Variants in SHTN1 observed in about 807,000 individuals in gnomAD.
SHTN1 encodes shootin 1.
In SHTN1, 42 loss-of-function variants were observed where a neutral mutation model predicts 83.1. The observed-to-expected ratio is 0.51, with a 90% confidence interval of 0.39 to 0.65. The LOEUF (loss-of-function observed/expected upper bound fraction) is 0.65. SHTN1 is among the 30% of genes least tolerant of loss of function. The pLI, the probability that SHTN1 is intolerant of heterozygous loss-of-function variation, is 0.00. For missense variants in SHTN1, 622 were observed against 737.8 expected (o/e 0.84, Z 1.82); for synonymous variants, 224 against 247.7 (o/e 0.90, Z 0.90).
chr10:116,946,562 TATATAAATATATAAA>T (rs1564890805), intron 7 of SHTN1, among the ~76,000 whole-genome samples: 46 of 122,146 alleles, frequency 3.8e-4, no homozygotes, highest in African/African-American at 9.8e-4. Context: ...AAATGATTTA[TATATAAATATATAAA>T]ATGATTTATA....
intron 1 of SHTN1, among the ~76,000 whole-genome samples, chr10:117,093,389 GA>G (rs57061470): frequency 2.0e-5 from 3 of 150,514 alleles, no homozygotes; most frequent in Non-Finnish European, 4.4e-5. Context: ...AACTTGAAAT[GA>G]AAAAAAAAGC....
intron 1 of SHTN1, among the ~76,000 whole-genome samples, chr10:116,999,652 C>T (rs1314876465): frequency 2.0e-5 from 3 of 152,152 alleles, no homozygotes; most frequent in South Asian, 2.1e-4. Flanking sequence ...CGGTGGCTCA[C>T]GCCTGTAATC....
chr10:117,037,600 A>G (rs1192544942), intron 2 of SHTN1, among the ~76,000 whole-genome samples: 1 of 152,178 alleles, frequency 6.6e-6, no homozygotes, highest in African/African-American at 2.4e-5. Flanking sequence ...AGCCAATATC[A>G]TATTGAAGGA....
At chr10:116,933,371 T>C (rs1320106075) in intron 9 of SHTN1, among the ~76,000 whole-genome samples, 3 of 151,674 alleles carry the variant, frequency 2.0e-5, no homozygotes, top group African/African-American at 4.8e-5. Flanking sequence ...CCTGTGTCCA[T>C]GTGTTCTCAT....
chr10:116,976,656 A>T (rs1242720729), intron 2 of SHTN1, among the ~76,000 whole-genome samples: 1 of 152,010 alleles, frequency 6.6e-6, no homozygotes, highest in Non-Finnish European at 1.5e-5. Flanking sequence ...TCCATTTACC[A>T]CCTCCGGAAC....
intron 1 of SHTN1, among the ~76,000 whole-genome samples, chr10:116,988,885 G>GCAAT (rs770402831): frequency 2.0e-4 from 30 of 152,180 alleles, no homozygotes; most frequent in Non-Finnish European, 3.5e-4. Flanking sequence ...GGCATGGTGT[G>GCAAT]CAATCAATCA....
At chr10:116,926,416 C>T (rs1848743316) in intron 11 of SHTN1, among the ~76,000 whole-genome samples, 1 of 152,140 alleles carries the variant, frequency 6.6e-6, no homozygotes, top group African/African-American at 2.4e-5. Flanking sequence ...GATTTAGCTA[C>T]CCAGGAGAGA....
At chr10:116,985,766 T>C (rs1312530065) in intron 1 of SHTN1, among the ~76,000 whole-genome samples, 2 of 152,232 alleles carry the variant, frequency 1.3e-5, no homozygotes, top group Admixed American at 6.5e-5. Flanking sequence ...TCAGGGAGTT[T>C]TGAGATACCT....
chr10:117,024,072 G>A (rs1852296285), intron 2 of SHTN1, among the ~76,000 whole-genome samples: 1 of 53,878 alleles, frequency 1.9e-5, no homozygotes, highest in Non-Finnish European at 6.9e-5. Flanking sequence ...GGGCCCTAAT[G>A]AGGGCTGGTT....
chr10:116,931,970 C>T (rs924858383), intron 9 of SHTN1, among the ~76,000 whole-genome samples: 1 of 152,136 alleles, frequency 6.6e-6, no homozygotes, highest in Non-Finnish European at 1.5e-5. Flanking sequence ...ACATTTTAAG[C>T]GACATACAGA....
chr10:116,921,529 G>C lies in SHTN1; in HGVS notation c.1113-13C>G. On this transcript the variant is annotated splice_polypyrimidine_tract_variant and intron_variant, in intron 11 of 16. Coordinates refer to ENST00000355371, the MANE Select transcript of SHTN1 (RefSeq NM_001127211.3). ...GGACATGAGGGATCTTTGGGAGAAA[G>C]AAAAAGATCAACAGGAGATTACTGG... is the stretch of plus-strand genomic sequence containing the variant. 1 of 1,601,678 alleles carries C rather than the reference G, an allele frequency of 6.2e-7. No individual in the cohort carries two copies. The highest frequency in any genetic ancestry group is 8.5e-7 in the Non-Finnish European group (1 of 1,171,770).
chr10:116,886,640 C>G (rs1043275893), intron 16 of SHTN1, 74 bp from the exon 17 acceptor site: 54 of 1,586,086 alleles, frequency 3.4e-5, no homozygotes, highest in Non-Finnish European at 4.3e-5. Context: ...ATTCTGGATT[C>G]AGACTAACAT....
intron 2 of SHTN1, among the ~76,000 whole-genome samples, chr10:117,046,766 A>G (rs1217886485): frequency 6.6e-6 from 1 of 152,180 alleles, no homozygotes; most frequent in Admixed American, 6.6e-5. Flanking sequence ...ATGTTATATG[A>G]TTCCATTTAC....
chr10:117,088,522 AT>A (rs1228173270), intron 1 of SHTN1, among the ~76,000 whole-genome samples: 1 of 152,202 alleles, frequency 6.6e-6, no homozygotes, highest in East Asian at 1.9e-4. Context: ...AGAAACTGGA[AT>A]TATAGCTAGA....
At chr10:116,964,645 T>G (rs1006594686) in intron 3 of SHTN1, among the ~76,000 whole-genome samples, 1 of 152,186 alleles carries the variant, frequency 6.6e-6, no homozygotes, top group Non-Finnish European at 1.5e-5. Flanking sequence ...GGAAAATCGG[T>G]GTGTCCTTAA....
At chr10:117,002,248 T>C (rs1288943963) in intron 1 of SHTN1, among the ~76,000 whole-genome samples, 1 of 152,224 alleles carries the variant, frequency 6.6e-6, no homozygotes, top group Non-Finnish European at 1.5e-5. Flanking sequence ...CATTTATTCA[T>C]ATGATAACTT....
chr10:116,931,816 G>A (rs1848979699), intron 9 of SHTN1, among the ~76,000 whole-genome samples: 1 of 152,194 alleles, frequency 6.6e-6, no homozygotes, highest in South Asian at 2.1e-4. Flanking sequence ...CCAAAATATG[G>A]GATACTTGGT....
At chr10:116,985,564 T>C (rs1589869994) in intron 1 of SHTN1, among the ~76,000 whole-genome samples, 1 of 152,278 alleles carries the variant, frequency 6.6e-6, no homozygotes, top group East Asian at 1.9e-4. Flanking sequence ...TGGATCTAGG[T>C]CTTCACGTGA....
chr10:117,120,438 C>T (rs568469966), intron 1 of SHTN1, among the ~76,000 whole-genome samples: 7 of 151,940 alleles, frequency 4.6e-5, no homozygotes, highest in African/African-American at 1.7e-4. Flanking sequence ...TTAGTAGAGA[C>T]GGGGTTTTAC....
Sources: gnomAD v4.1 joint callset for allele counts (sites outside exome capture counted in the v4.1 genomes callset) on GRCh38, gnomAD v4.1.1 for gene constraint, MANE v1.5 for transcripts, NCBI Gene and HGNC (gene_info 2026-07-23, HGNC 2026-07-21) for gene names.